PRORP: variants seen among roughly 807,000 people sequenced by gnomAD.
PRORP encodes the protein protein only RNase P catalytic subunit.
A neutral mutation model predicts 59.4 loss-of-function variants in PRORP; 51 were observed. The observed-to-expected ratio is 0.86, with a 90% CI of 0.69 to 1.08. PRORP has a LOEUF of 1.08. Among genes scored for constraint, PRORP ranks in the 50% least tolerant of loss-of-function variants. The pLI is 0.00. For missense variants in PRORP, 646 were observed against 690.3 expected (o/e 0.94, Z 0.72); for synonymous variants, 231 against 245.6 (o/e 0.94, Z 0.55).
intron 5 of PRORP, among the ~76,000 whole-genome samples, chr14:35,252,204 T>C (rs2050633032): frequency 6.6e-6 from 1 of 152,104 alleles, no homozygotes; most frequent in Non-Finnish European, 1.5e-5. Flanking sequence ...GAGGGAGGAC[T>C]GCTTAAGCCC....
chr14:35,151,519 G>C (rs1290598598), intron 4 of PRORP, among the ~76,000 whole-genome samples: 1 of 151,904 alleles, frequency 6.6e-6, no homozygotes, highest in Non-Finnish European at 1.5e-5. Context: ...AAAAAGGTCA[G>C]AATCATCCTT....
chr14:35,169,008 C>T (rs1418261316), intron 4 of PRORP, among the ~76,000 whole-genome samples: 1 of 151,188 alleles, frequency 6.6e-6, no homozygotes, highest in Non-Finnish European at 1.5e-5. Context: ...TATTATTCTA[C>T]TTTCTTTGAA....
rs143938256 is a variant in PRORP at position 35,262,518 on chromosome 14, G to A, written c.1276-4209G>A. The stretch of plus-strand genomic sequence containing the variant: ...TTCCAGAAAATGGTGACATTACTCT[G>A]AAGGGACACACAGTTACTGTGAAAG... On this transcript the variant is annotated intron_variant, in intron 5 of 7. Coordinates refer to ENST00000534898, the MANE Select transcript of PRORP (RefSeq NM_014672.4). 1.2e-4 allele frequency: 74 copies of A among 599,452 alleles called. 1 individual carries two copies. The highest frequency in any genetic ancestry group is 9.7e-4 in the Middle Eastern group (2 of 2,054). 37.1% of individuals were successfully genotyped at this position (599,452 alleles called of 1,614,324 possible).
intron 4 of PRORP, among the ~76,000 whole-genome samples, chr14:35,177,760 T>C (rs903975792): frequency 2.0e-5 from 3 of 152,200 alleles, no homozygotes; most frequent in African/African-American, 7.2e-5. Context: ...TCTGCTCTGA[T>C]CTTAGTTATT....
At chr14:35,199,791 A>G (rs1030123998) in intron 5 of PRORP, among the ~76,000 whole-genome samples, 1 of 152,242 alleles carries the variant, frequency 6.6e-6, no homozygotes, top group African/African-American at 2.4e-5. Context: ...AGTCAACCTG[A>G]CATCATTTAG....
chr14:35,159,776 G>A (rs889886968), intron 4 of PRORP, among the ~76,000 whole-genome samples: 8 of 152,116 alleles, frequency 5.3e-5, no homozygotes, highest in African/African-American at 7.2e-5. Flanking sequence ...AGAAAAGTTC[G>A]GTAACTTGCT....
chr14:35,244,778 C>T (rs76750649), intron 5 of PRORP, among the ~76,000 whole-genome samples: 9,279 of 152,258 alleles, frequency 0.061, 368 homozygotes, highest in Middle Eastern at 0.11. Flanking sequence ...CTTCTAACCT[C>T]GTCTCCTTTC....
chr14:35,258,398 G>C (rs1413228498), intron 5 of PRORP, among the ~76,000 whole-genome samples: 1 of 151,950 alleles, frequency 6.6e-6, no homozygotes, highest in African/African-American at 2.4e-5. Flanking sequence ...TCAGAATAAA[G>C]AAAATGCAGT....
At chr14:35,188,746 G>C (rs973468074) in intron 5 of PRORP, among the ~76,000 whole-genome samples, 1 of 151,862 alleles carries the variant, frequency 6.6e-6, no homozygotes, top group East Asian at 2.0e-4. Context: ...GGGATGCCAA[G>C]ACAGGCAGAT....
chr14:35,158,984 C>A, intron 4 of PRORP: 1 of 355,974 alleles, frequency 2.8e-6, no homozygotes, highest in East Asian at 8.5e-5. Flanking sequence ...GGGAGATTGG[C>A]AAATCCCACA....
chr14:35,168,643 A>G (rs753954173), intron 4 of PRORP, among the ~76,000 whole-genome samples: 1 of 152,136 alleles, frequency 6.6e-6, no homozygotes, highest in Non-Finnish European at 1.5e-5. Context: ...ATTTTGTAAC[A>G]TGTCTGTCAA....
intron 5 of PRORP, among the ~76,000 whole-genome samples, chr14:35,233,490 A>G (rs17103117): frequency 0.026 from 3,887 of 149,530 alleles, 328 homozygotes; most frequent in African/African-American, 0.088. Context: ...ACATTCTAAC[A>G]ATTGCCAACG....
chr14:35,258,611 A>T (rs2050819217), intron 5 of PRORP, among the ~76,000 whole-genome samples: 2 of 151,860 alleles, frequency 1.3e-5, no homozygotes, highest in South Asian at 4.2e-4. Context: ...GGAAAGTATC[A>T]CTAAGGAGGA....
At chr14:35,129,758 C>T (rs970601585) in intron 4 of PRORP, among the ~76,000 whole-genome samples, 19 of 151,396 alleles carry the variant, frequency 1.3e-4, no homozygotes, top group African/African-American at 4.1e-4. Context: ...GGATTATAGG[C>T]GTAAGCCACC....
At chr14:35,215,337 G>T (rs1174870513) in intron 5 of PRORP, among the ~76,000 whole-genome samples, 1 of 152,004 alleles carries the variant, frequency 6.6e-6, no homozygotes, top group African/African-American at 2.4e-5. Context: ...GCTTAATTTT[G>T]TGTCTTCAGA....
At chr14:35,128,243 C>A (rs1031710150) in intron 4 of PRORP, among the ~76,000 whole-genome samples, 1 of 149,164 alleles carries the variant, frequency 6.7e-6, no homozygotes, top group African/African-American at 2.5e-5. Context: ...ATTTTTGCAT[C>A]AATATTCATC....
intron 5 of PRORP, chr14:35,262,474 A>T (rs1236755576): frequency 2.0e-6 from 1 of 490,312 alleles, no homozygotes. Flanking sequence ...GACCATTCTC[A>T]GCAACCAGAC....
At chr14:35,180,640 T>G in intron 4 of PRORP, 30 bp from the exon 5 acceptor site, 2 of 1,367,960 alleles carry the variant, frequency 1.5e-6, no homozygotes, top group Non-Finnish European at 2.1e-6. Flanking sequence ...TGAGTTCTTA[T>G]TAATGTTTTG....
At chr14:35,162,940 TTCA>T (rs2048097674) in intron 4 of PRORP, among the ~76,000 whole-genome samples, 1 of 152,174 alleles carries the variant, frequency 6.6e-6, no homozygotes, top group African/African-American at 2.4e-5. Flanking sequence ...TACCAAATTC[TTCA>T]TATAAATATT....
Sources: gnomAD v4.1 joint callset for allele counts (sites outside exome capture counted in the v4.1 genomes callset) on GRCh38, gnomAD v4.1.1 for gene constraint, MANE v1.5 for transcripts, NCBI Gene and HGNC (gene_info 2026-07-23, HGNC 2026-07-21) for gene names.